Variants in INTS13 observed in about 807,000 individuals in gnomAD.
INTS13 encodes the protein integrator complex subunit 13.
INTS13 carries 35 observed loss-of-function variants against 90.2 expected under a neutral mutation model. The ratio of observed to expected loss-of-function variants is 0.39; its 90% CI spans 0.30 to 0.51. The LOEUF (loss-of-function observed/expected upper bound fraction) is 0.51, where lower values mean the gene tolerates loss of function less well. INTS13 is among the 20% of genes least tolerant of loss of function. The pLI is 0.80. For missense variants in INTS13, 601 were observed against 851.2 expected, an observed-to-expected ratio of 0.71 and a Z score of 3.66; for synonymous variants, 309 against 277.1, an observed-to-expected ratio of 1.11 and a Z score of -1.14.
At chr12:26,911,921 C>T (rs1565818595) in intron 14 of INTS13, among the ~76,000 whole-genome samples, 1 of 152,158 alleles carries the variant, frequency 6.6e-6, no homozygotes, top group Non-Finnish European at 1.5e-5. Flanking sequence ...AAAACATGAG[C>T]TTCTAAAGTC....
chr12:26,929,924 T>C (rs1459891450), intron 3 of INTS13, among the ~76,000 whole-genome samples: 1 of 152,014 alleles, frequency 6.6e-6, no homozygotes, highest in Non-Finnish European at 1.5e-5. Flanking sequence ...ATTTACGAAA[T>C]CCCAAGGTAT....
chr12:26,920,902 T>A (rs888484999), intron 8 of INTS13, among the ~76,000 whole-genome samples: 1 of 152,204 alleles, frequency 6.6e-6, no homozygotes, highest in African/African-American at 2.4e-5. Context: ...ATGTCACAAT[T>A]GGCTCATGAT....
At chr12:26,908,981 G>A (rs1391828336) in intron 15 of INTS13, among the ~76,000 whole-genome samples, 1 of 152,114 alleles carries the variant, frequency 6.6e-6, no homozygotes, top group African/African-American at 2.4e-5. Context: ...TTAAAATTGA[G>A]ATCACAGTAC....
Position 26,914,548 on chromosome 12 carries a change from A to G in INTS13, c.1279T>C (p.Leu427=), listed in dbSNP as rs1295258145. 2.5e-6 allele frequency: 4 copies of G among 1,613,478 alleles called. No individual in the cohort carries two copies. The Admixed American group carries it at 5.0e-5, about 20-fold the overall frequency. Residue 427 remains leucine (L), a synonymous_variant, in exon 12 of 17, where the codon TTA becomes CTA. Coordinates refer to ENST00000261191, the MANE Select transcript of INTS13 (RefSeq NM_018164.3). The part of the protein sequence containing the change: ...DFGEFMRENR[L]TPFLDPRYKI... ...TATCTGGGGTCTAGAAAAGGAGTTA[A>G]TCTGTTTTCCCTCATAAATTCACCA...
intron 15 of INTS13, among the ~76,000 whole-genome samples, chr12:26,908,259 C>A (rs895096450): frequency 6.6e-6 from 1 of 152,116 alleles, no homozygotes; most frequent in Non-Finnish European, 1.5e-5. Flanking sequence ...ATGAGGAAAT[C>A]TTTTGGGGTG....
At chr12:26,929,003 T>C in intron 3 of INTS13, 98 bp from the exon 4 acceptor site, 1 of 1,061,792 alleles carries the variant, frequency 9.4e-7, no homozygotes, top group East Asian at 2.6e-5. Context: ...ATCTTACATA[T>C]ATGGACATGA....
intron 3 of INTS13, among the ~76,000 whole-genome samples, chr12:26,932,559 G>T (rs183690083): frequency 6.6e-6 from 1 of 152,282 alleles, no homozygotes; most frequent in Non-Finnish European, 1.5e-5. Flanking sequence ...GAGAGTAAAG[G>T]TAAGATACTA....
intron 8 of INTS13, chr12:26,919,029 C>T (rs751696348): frequency 5.0e-6 from 2 of 396,344 alleles, no homozygotes; most frequent in African/African-American, 4.1e-5. Context: ...AGCCAGGCTT[C>T]GTGGTATGCA....
intron 7 of INTS13, 149 bp downstream of exon 7, chr12:26,924,206 T>C: frequency 1.6e-6 from 1 of 614,030 alleles, no homozygotes; most frequent in South Asian, 2.5e-5. Context: ...TTGACCAGAC[T>C]GGTCTCAAAC....
chr12:26,909,479 T>TC, intron 15 of INTS13, among the ~76,000 whole-genome samples: 1 of 149,868 alleles, frequency 6.7e-6, no homozygotes, highest in East Asian at 1.9e-4. Context: ...ACTCTTTTTT[T>TC]TTTTTTTTTT....
intron 8 of INTS13, among the ~76,000 whole-genome samples, chr12:26,921,727 C>A (rs1952123468): frequency 6.6e-6 from 1 of 152,200 alleles, no homozygotes; most frequent in Non-Finnish European, 1.5e-5. Context: ...ATGATCTCAG[C>A]TCACTGCAAC....
chr12:26,906,564 T>C, intron 15 of INTS13, 127 bp from the exon 16 acceptor site: 2 of 997,240 alleles, frequency 2.0e-6, no homozygotes, highest in East Asian at 2.5e-5. Context: ...GTTAATTCTG[T>C]AGTTCATTTT....
At chr12:26,910,103 A>G (rs559443290) in intron 15 of INTS13, among the ~76,000 whole-genome samples, 4 of 152,352 alleles carry the variant, frequency 2.6e-5, no homozygotes, top group Middle Eastern at 3.4e-3. Flanking sequence ...TTTTTAGCCT[A>G]TAAGAGATTA....
chr12:26,923,469 A>C (rs1039273508), intron 7 of INTS13, among the ~76,000 whole-genome samples: 2 of 152,204 alleles, frequency 1.3e-5, no homozygotes, highest in East Asian at 3.8e-4. Flanking sequence ...ATAGTGGCAG[A>C]AAATAGAAAC....
Position 26,916,146 on chromosome 12 carries a change from T to C in INTS13, c.1104A>G (p.Ser368=). 6.2e-6 allele frequency: 10 copies of C among 1,612,138 alleles called. No individual in the cohort carries two copies. The highest frequency in any genetic ancestry group is 8.5e-6 in the Non-Finnish European group (10 of 1,179,246). ...RSVLLEQPRK[S]GSKVISHMLS... is the part of the protein sequence containing the mutation. ...GCATATGACTAATGACTTTAGAACC[T>C]GACTTTCGTGGTTGTTCCAATAAAA... Residue 368 remains serine, a synonymous_variant, in exon 11 of 17, where the codon TCA becomes TCG. Transcript: ENST00000261191.
intron 11 of INTS13, 146 bp downstream of exon 11, chr12:26,915,856 G>C: frequency 1.8e-6 from 1 of 562,956 alleles, no homozygotes; most frequent in South Asian, 3.7e-5. Flanking sequence ...AGCAAATATT[G>C]CAGGAAATTC....
chr12:26,924,871 G>A (rs1304698251), intron 6 of INTS13, among the ~76,000 whole-genome samples: 1 of 151,958 alleles, frequency 6.6e-6, no homozygotes, highest in Non-Finnish European at 1.5e-5. Context: ...TTGTTGAGAG[G>A]ACAAAACCCT....
chr12:26,906,684 T>G (rs775331399), intron 15 of INTS13, among the ~76,000 whole-genome samples: 2 of 152,134 alleles, frequency 1.3e-5, no homozygotes, highest in African/African-American at 2.4e-5. Context: ...TGACTAAATG[T>G]AAAGTTACAC....
chr12:26,925,189 C>T (rs1042971140), intron 6 of INTS13, among the ~76,000 whole-genome samples: 2 of 151,990 alleles, frequency 1.3e-5, no homozygotes, highest in Admixed American at 6.6e-5. Flanking sequence ...AAAAGTAATA[C>T]TAGCGATGTT....
Sources: allele counts gnomAD v4.1 joint callset (sites outside exome capture counted in the v4.1 genomes callset), GRCh38; gene constraint gnomAD v4.1.1; transcripts MANE v1.5; gene names NCBI Gene and HGNC (gene_info 2026-07-23, HGNC 2026-07-21).